Variants in ZNF365 observed in about 807,000 individuals in gnomAD.
ZNF365 encodes the protein zinc finger protein 365, also known as protein ZNF365.
ZNF365 carries 22 observed loss-of-function variants against 35.0 expected under a neutral mutation model. That is an observed-to-expected ratio of 0.63 (90% CI 0.45 to 0.90). The LOEUF (loss-of-function observed/expected upper bound fraction) is 0.90. ZNF365 is among the 40% of genes least tolerant of loss of function. The probability of loss-of-function intolerance (pLI) is 0.00; values close to 1 mark genes in which losing one functional copy is unlikely to be tolerated. For missense variants in ZNF365, 448 were observed against 500.3 expected, an observed-to-expected ratio of 0.90 and a Z score of 1.00; for synonymous variants, 188 against 196.2, an observed-to-expected ratio of 0.96 and a Z score of 0.35.
intron 3 of ZNF365, 67 bp downstream of exon 3, chr10:62,388,643 G>A (rs1839567384): frequency 1.3e-6 from 2 of 1,565,466 alleles, no homozygotes; most frequent in African/African-American, 1.4e-5. Flanking sequence ...GCTGAGGACA[G>A]AGAAAAGGGA....
chr10:62,415,893 C>G (rs888019850), intron 3 of ZNF365, among the ~76,000 whole-genome samples: 2 of 152,156 alleles, frequency 1.3e-5, no homozygotes. Flanking sequence ...TTCTGAGGTT[C>G]TCTCCTGTTT....
intron 3 of ZNF365, among the ~76,000 whole-genome samples, chr10:62,429,484 C>T (rs1411382435): frequency 1.3e-5 from 2 of 152,178 alleles, no homozygotes; most frequent in African/African-American, 2.4e-5. Flanking sequence ...TGACCTTGAA[C>T]ATAGACTAGA....
At chr10:62,418,502 C>T (rs1436450210) in intron 3 of ZNF365, among the ~76,000 whole-genome samples, 1 of 151,804 alleles carries the variant, frequency 6.6e-6, no homozygotes, top group East Asian at 1.9e-4. Context: ...AGAAGGGGTG[C>T]CTGAGACAGC....
chr10:62,401,913 T>C lies in ZNF365; in HGVS notation c.*2124T>C. 1 of 985,334 alleles carries C rather than the reference T, an allele frequency of 1.0e-6. No individual in the cohort carries two copies. The highest frequency in any genetic ancestry group is 1.2e-6 in the Non-Finnish European group (1 of 829,704). The allele number at this position is 985,334 out of a possible 1,614,324, so 61.0% of individuals were successfully genotyped here. A position where few individuals can be genotyped will look rare whatever the true frequency, so the allele number is the denominator to read the frequency against. The stretch of plus-strand genomic sequence containing the variant: ...ATTATTTTGAGATTTGTTTATTATA[T>C]TAAAATGTTTTTTTACGTTCCCACT... On this transcript the variant is annotated 3_prime_UTR_variant, in exon 5 of 5. Transcript: ENST00000395254.
In ZNF365 at chr10:62,445,337, T is replaced by C. The variant is rs948985591; in HGVS notation, c.925-14404T>C. Among the ~76,000 whole-genome samples, 46 of 151,488 alleles carry C rather than the reference T, an allele frequency of 3.0e-4. 1 individual carries two copies. The highest frequency in any genetic ancestry group is 8.8e-5 in the Non-Finnish European group (6 of 67,938). On this transcript the variant is annotated intron_variant, in intron 3 of 4. Transcript: ENST00000395255. ...AATGGTATTTCTAGTTCTAGATCCC[T>C]GAGGAATCACCACACTGACTTCCAC... is the stretch of plus-strand genomic sequence containing the variant.
chr10:62,476,062 C>T (rs1304293986), intron 4 of ZNF365, among the ~76,000 whole-genome samples: 2 of 151,996 alleles, frequency 1.3e-5, no homozygotes, highest in African/African-American at 4.8e-5. Flanking sequence ...TATTAAAAAA[C>T]CTTGGGTTTT....
At chr10:62,394,495 CTG>C (rs1319635087) in intron 3 of ZNF365, among the ~76,000 whole-genome samples, 1 of 152,208 alleles carries the variant, frequency 6.6e-6, no homozygotes, top group East Asian at 1.9e-4. Context: ...ATTATCCAAA[CTG>C]TTCCATGACC....
At chr10:62,447,377 C>T (rs1840607292) in intron 3 of ZNF365, among the ~76,000 whole-genome samples, 1 of 152,142 alleles carries the variant, frequency 6.6e-6, no homozygotes, top group Admixed American at 6.5e-5. Flanking sequence ...TAAACTGCTT[C>T]ACTCTTAAAC....
intron 2 of ZNF365, among the ~76,000 whole-genome samples, chr10:62,377,944 G>A (rs527903653): frequency 6.6e-6 from 1 of 152,200 alleles, no homozygotes; most frequent in African/African-American, 2.4e-5. Context: ...CTCTTAAAAT[G>A]TAATAATTAG....
intron 3 of ZNF365, among the ~76,000 whole-genome samples, chr10:62,392,987 A>G (rs1839659842): frequency 6.6e-6 from 1 of 151,760 alleles, no homozygotes; most frequent in Non-Finnish European, 1.5e-5. Flanking sequence ...CATGTGCTTT[A>G]TTCAATAAGC....
chr10:62,380,811 C>A (rs965146550), intron 2 of ZNF365, among the ~76,000 whole-genome samples: 1 of 152,128 alleles, frequency 6.6e-6, no homozygotes, highest in East Asian at 1.9e-4. Context: ...TTTAAGGTAT[C>A]CCTTAACAAG....
At chr10:62,409,843 C>G (rs1344908068) in intron 3 of ZNF365, among the ~76,000 whole-genome samples, 1 of 152,112 alleles carries the variant, frequency 6.6e-6, no homozygotes, top group Non-Finnish European at 1.5e-5. Flanking sequence ...AGTCATGCAA[C>G]AGTGGGTACA....
intron 3 of ZNF365, among the ~76,000 whole-genome samples, chr10:62,419,494 GAAA>G (rs751316684): frequency 1.6e-5 from 2 of 124,888 alleles, no homozygotes; most frequent in Non-Finnish European, 1.7e-5. Flanking sequence ...GTTTTTAAAG[GAAA>G]AAAAAAAAAA....
At chr10:62,409,081 A>G (rs1292564335) in intron 3 of ZNF365, among the ~76,000 whole-genome samples, 1 of 152,158 alleles carries the variant, frequency 6.6e-6, no homozygotes, top group Non-Finnish European at 1.5e-5. Flanking sequence ...AAAATGCCAC[A>G]TGCTCATTTT....
At chr10:62,417,650 T>C (rs1271845236) in intron 3 of ZNF365, among the ~76,000 whole-genome samples, 1 of 126,686 alleles carries the variant, frequency 7.9e-6, no homozygotes, top group Non-Finnish European at 1.7e-5. Flanking sequence ...AACTTAGAGA[T>C]CTTTAATCTC....
chr10:62,379,379 T>TA (rs1171254551), intron 2 of ZNF365, among the ~76,000 whole-genome samples: 1 of 151,946 alleles, frequency 6.6e-6, no homozygotes. Context: ...AATGATATTT[T>TA]AAAAAAAGAA....
intron 2 of ZNF365, among the ~76,000 whole-genome samples, chr10:62,387,225 C>T (rs1839540281): frequency 6.6e-6 from 1 of 152,026 alleles, no homozygotes; most frequent in Admixed American, 6.6e-5. Flanking sequence ...GGTCCTTGGC[C>T]TAGGAAAGAG....
chr10:62,388,517 C>G lies in ZNF365; in HGVS notation c.865C>G (p.Leu289Val). 6.2e-7 allele frequency: 1 copy of G among 1,614,140 alleles called. No individual in the cohort carries two copies. The highest frequency in any genetic ancestry group is 8.5e-7 in the Non-Finnish European group (1 of 1,180,032). Residue 289 changes from leucine (L) to valine (V), a missense_variant, in exon 3 of 5, where the codon CTT (leucine) becomes GTT (valine). Coordinates refer to ENST00000395254, the MANE Select transcript of ZNF365 (RefSeq NM_014951.3). ...GCGGGTAGAACTGGCGGAGAAGCAG[C>G]TTGAGTACTATCAGAGCCAGCAGGC... ...LQRVELAEKQLEYYQSQQASG... is the reference protein window; with the variant it reads ...LQRVELAEKQVEYYQSQQASG...
intron 3 of ZNF365, among the ~76,000 whole-genome samples, chr10:62,420,563 TA>T (rs1840150622): frequency 6.6e-6 from 1 of 152,114 alleles, no homozygotes; most frequent in Non-Finnish European, 1.5e-5. Flanking sequence ...AGCTAAGAAA[TA>T]AAGGAAAGTA....
Sources: gnomAD v4.1 joint callset for allele counts (sites outside exome capture counted in the v4.1 genomes callset) on GRCh38, gnomAD v4.1.1 for gene constraint, MANE v1.5 for transcripts, NCBI Gene and HGNC (gene_info 2026-07-23, HGNC 2026-07-21) for gene names.